Variants in FAM83F observed in about 807,000 individuals in gnomAD.
The protein encoded by FAM83F is scaffolding CK1 anchoring protein F, also known as protein FAM83F.
A neutral mutation model predicts 42.9 loss-of-function variants in FAM83F; 45 were observed. That is an observed-to-expected ratio of 1.05 (90% CI 0.83 to 1.35). FAM83F has a LOEUF of 1.35. FAM83F is among the 40% of genes most tolerant of loss of function. The pLI is 0.00. For synonymous variants in FAM83F, 306 were observed against 298.3 expected, an observed-to-expected ratio of 1.03 and a Z score of -0.27; for missense variants, 617 against 695.9, an observed-to-expected ratio of 0.89 and a Z score of 1.28.
rs961863641 is a variant in FAM83F at position 40,042,093 on chromosome 22, C to G, written c.*12528C>G. The stretch of plus-strand genomic sequence containing the variant: ...CTCTAGCTAGTCTCAAGCTCCTGGC[C>G]TCAAGCAATCCTTCCGCCTTGGCCT... On this transcript the variant is annotated 3_prime_UTR_variant, in exon 5 of 5. Transcript: ENST00000333407. 1 of 152,172 alleles carries G rather than the reference C, an allele frequency of 6.6e-6. No homozygotes were observed. The highest frequency in any genetic ancestry group is 2.4e-5 in the African/African-American group (1 of 41,436). 9.4% of individuals were successfully genotyped at this position (152,172 alleles called of 1,614,324 possible).
At chr22:39,999,439 C>T (rs992802750) in intron 1 of FAM83F, among the ~76,000 whole-genome samples, 5 of 152,188 alleles carry the variant, frequency 3.3e-5, no homozygotes, top group Admixed American at 2.0e-4. Flanking sequence ...TGACCCTTGA[C>T]CCCCGCATTC....
At position 40,023,853 on chromosome 22, in the gene FAM83F, C is replaced by T. The variant is rs1312647815; in HGVS notation, c.1453+1890C>T. Among the ~76,000 whole-genome samples, 3 of 152,178 alleles carry T rather than the reference C, an allele frequency of 2.0e-5. No individual in the cohort carries two copies. Among genetic ancestry groups the T allele is most frequent in the African/African-American group, 4.8e-5 (2 of 41,448 alleles). On this transcript the variant is annotated intron_variant, in intron 4 of 4. Coordinates refer to ENST00000333407, the MANE Select transcript of FAM83F (RefSeq NM_138435.4). The surrounding 1 kb of genome is among the most constrained non-coding windows in gnomAD (Gnocchi z 4.1). ...CCGGGGATGCCCGGAACCATCATCC[C>T]GTTCCTTGTCCGTCCTTTAGACGAA...
At position 40,021,612 on chromosome 22, in the gene FAM83F, G is replaced by A. The variant is rs746620839; in HGVS notation, c.1102G>A (p.Ala368Thr). 11 of 1,585,118 alleles carry A rather than the reference G, an allele frequency of 6.9e-6. No individual in the cohort carries two copies. The highest frequency in any genetic ancestry group is 1.7e-4 in the Middle Eastern group (1 of 5,926). ...QEEGASGGESAWRLESFLKDL... is the reference protein window; with the variant it reads ...QEEGASGGESTWRLESFLKDL... ...GGAGGGCGCCAGCGGTGGCGAGTCGGCCTGGCGCCTGGAGAGCTTCCTGAA... is the reference window on the plus strand; with the variant it reads ...GGAGGGCGCCAGCGGTGGCGAGTCGACCTGGCGCCTGGAGAGCTTCCTGAA... Residue 368 changes from alanine (A) to threonine (T), a missense_variant, in exon 4 of 5, where the codon GCC (alanine) becomes ACC (threonine). Ala to Thr is a moderately conservative substitution (Grantham distance 58). Coordinates refer to ENST00000333407, the MANE Select transcript of FAM83F (RefSeq NM_138435.4). The surrounding 1 kb of genome is among the most constrained non-coding windows in gnomAD (Gnocchi z 8.7).
In FAM83F at chr22:40,041,125, C is replaced by A. The variant is rs2146253982; in HGVS notation, c.*11560C>A. The stretch of plus-strand genomic sequence containing the variant: ...CACTTTTGGTAGCCAGCCAAGGCAG[C>A]TATCACTCATGAAATCTGCCTTCCC... On this transcript the variant is annotated 3_prime_UTR_variant, in exon 5 of 5. Coordinates refer to ENST00000333407, the MANE Select transcript of FAM83F (RefSeq NM_138435.4). 1 of 152,324 alleles carries A rather than the reference C, an allele frequency of 6.6e-6. No individual in the cohort carries two copies. Among genetic ancestry groups the A allele is most frequent in the East Asian group, 1.9e-4 (1 of 5,180 alleles). The allele number at this position is 152,324 out of a possible 1,614,324, so 9.4% of individuals were successfully genotyped here. A position where few individuals can be genotyped will look rare whatever the true frequency, so the allele number is the denominator to read the frequency against.
At chr22:40,024,247 T>C (rs1569235767) in intron 4 of FAM83F, among the ~76,000 whole-genome samples, 1 of 152,158 alleles carries the variant, frequency 6.6e-6, no homozygotes, top group Non-Finnish European at 1.5e-5. Flanking sequence ...CTCCTACCTC[T>C]GGGCCTCCCA....
In FAM83F at chr22:40,029,583, G is replaced by T; in HGVS notation, c.*18G>T. The T allele has an allele frequency of 6.2e-7, 1 of 1,609,186 alleles. No individual in the cohort carries two copies. Among genetic ancestry groups the T allele is most frequent in the South Asian group, 1.1e-5 (1 of 89,818 alleles). On this transcript the variant is annotated 3_prime_UTR_variant, in exon 5 of 5. Transcript: ENST00000333407. ...TTTCCTGAGCTGCGGGATGGTGGTG[G>T]GCAGGACGTGTGGATGCCTGCCTGC...
At chr22:40,002,879 C>T (rs2067409384) in intron 1 of FAM83F, among the ~76,000 whole-genome samples, 1 of 152,134 alleles carries the variant, frequency 6.6e-6, no homozygotes, top group African/African-American at 2.4e-5. Flanking sequence ...TTCGTTAATC[C>T]AACCCTCAGC....
chr22:40,002,883 C>A (rs184796616), intron 1 of FAM83F, among the ~76,000 whole-genome samples: 10 of 152,272 alleles, frequency 6.6e-5, no homozygotes, highest in African/African-American at 2.4e-4. Context: ...TTAATCCAAC[C>A]CTCAGCACCT....
chr22:40,012,721 G>C (rs932931490), intron 1 of FAM83F, among the ~76,000 whole-genome samples: 2 of 151,562 alleles, frequency 1.3e-5, no homozygotes, highest in African/African-American at 4.9e-5. Flanking sequence ...AGTGAGCTGA[G>C]ATCGCGCCAC....
intron 1 of FAM83F, chr22:40,009,962 A>T (rs2067454292): frequency 6.6e-6 from 1 of 152,264 alleles, no homozygotes; most frequent in Admixed American, 6.5e-5. Flanking sequence ...CCTGCCGCCC[A>T]GGCAGGATGT....
Position 40,019,197 on chromosome 22 carries a change from T to C in FAM83F, c.519T>C (p.Thr173=), listed in dbSNP as rs1444803926. The change falls in exon 2 of 5, where the codon ACT becomes ACC. Residue 173 remains threonine, a synonymous_variant. Transcript: ENST00000333407. ...TTGCTGTGGTCATGGACCTCTTCAC[T>C]GATGGTGATATCTTTCAAGACATTG... ...KVIAVVMDLF[T]DGDIFQDIVD... 2 of 1,614,172 alleles carry C rather than the reference T, an allele frequency of 1.2e-6. No homozygotes were observed. The highest frequency in any genetic ancestry group is 1.1e-5 in the South Asian group (1 of 91,084).
In FAM83F at chr22:39,994,973, C is replaced by T. The variant is rs1299619584; in HGVS notation, c.-70C>T. Reference sequence around the variant, plus strand: ...TGAGGCGCCCCGCCCCTCGGCGGCTCCAGGTGCGGCTGTGGGACCTCGGAC... The same window carrying T: ...TGAGGCGCCCCGCCCCTCGGCGGCTTCAGGTGCGGCTGTGGGACCTCGGAC... On this transcript the variant is annotated 5_prime_UTR_variant, in exon 1 of 5. Coordinates refer to ENST00000333407, the MANE Select transcript of FAM83F (RefSeq NM_138435.4). 6.5e-5 allele frequency: 79 copies of T among 1,206,220 alleles called. No homozygotes were observed. In the East Asian group the frequency reaches 2.4e-3, roughly 36 times the overall value. The allele number at this position is 1,206,220 out of a possible 1,614,324, so 74.7% of individuals were successfully genotyped here.
chr22:40,016,964 G>C (rs550578434), intron 1 of FAM83F, among the ~76,000 whole-genome samples: 1 of 152,194 alleles, frequency 6.6e-6, no homozygotes, highest in African/African-American at 2.4e-5. Flanking sequence ...GTATCTGGCT[G>C]CTGTTACATT....
Position 40,019,930 on chromosome 22 carries a change from C to T in FAM83F, c.701C>T (p.Pro234Leu). Reference sequence around the variant, plus strand: ...GTGACAGGCGTCGGCTTCTACATGCCCATGGGGAGGATCAAGGGGACCCTG... The same window carrying T: ...GTGACAGGCGTCGGCTTCTACATGCTCATGGGGAGGATCAAGGGGACCCTG... Reference protein sequence around the residue: ...RSVTGVGFYMPMGRIKGTLSS... With the variant: ...RSVTGVGFYMLMGRIKGTLSS... The change falls in exon 3 of 5, where the codon CCC becomes CTC. Residue 234 changes from proline to leucine, a missense_variant. Pro to Leu is a moderately conservative substitution (Grantham distance 98). Transcript: ENST00000333407. The T allele has an allele frequency of 1.9e-6, 3 of 1,613,536 alleles. No homozygotes were observed. The highest frequency in any genetic ancestry group is 2.5e-6 in the Non-Finnish European group (3 of 1,179,702).
Position 39,995,518 on chromosome 22 carries a change from A to T in FAM83F, c.476A>T (p.Gln159Leu), listed in dbSNP as rs2067370024. 6.4e-7 allele frequency: 1 copy of T among 1,569,884 alleles called. No homozygotes were observed. The change falls in exon 1 of 5, where the codon CAA becomes CTA. Residue 159 changes from glutamine to leucine, a missense_variant. Physicochemically the swap from Gln to Leu is moderately radical, Grantham distance 113. Coordinates refer to ENST00000333407, the MANE Select transcript of FAM83F (RefSeq NM_138435.4). The surrounding 1 kb of genome is among the most constrained non-coding windows in gnomAD (Gnocchi z 4.6). ...AAGCAGGTGGTCAGGCAGATGATCC[A>T]ACAGGCCCAGAAGGTAGGCCCCCGC... ...HLKQVVRQMI[Q>L]QAQKVIAVVM... is the part of the protein sequence containing the mutation.
chr22:40,000,586 A>T (rs2067395386), intron 1 of FAM83F, among the ~76,000 whole-genome samples: 1 of 151,740 alleles, frequency 6.6e-6, no homozygotes, highest in Non-Finnish European at 1.5e-5. Flanking sequence ...GGACATTGAG[A>T]TGCTGCAATG....
intron 1 of FAM83F, among the ~76,000 whole-genome samples, chr22:40,012,616 A>G (rs190922236): frequency 1.7e-4 from 26 of 151,634 alleles, no homozygotes; most frequent in Admixed American, 1.5e-3. Flanking sequence ...CTAAAAATAC[A>G]AAAATTAGCT....
At chr22:40,010,507 G>GCTGGCTC (rs1455656635) in intron 1 of FAM83F, among the ~76,000 whole-genome samples, 1 of 152,194 alleles carries the variant, frequency 6.6e-6, no homozygotes, top group African/African-American at 2.4e-5. Flanking sequence ...CTCGCATCAG[G>GCTGGCTC]GCGTCACAGT....
rs117243054 is a variant in FAM83F at position 40,006,403 on chromosome 22, A to G, written c.489+10872A>G. Among the ~76,000 whole-genome samples, 319 of 152,264 alleles carry G rather than the reference A, an allele frequency of 2.1e-3. 5 individuals carry two copies. In the East Asian group the frequency reaches 0.052, roughly 25 times the overall value. On this transcript the variant is annotated intron_variant, in intron 1 of 4. Coordinates refer to ENST00000333407, the MANE Select transcript of FAM83F (RefSeq NM_138435.4). ...GGGCTCTGTCCCCCACCCCTCCTGG[A>G]TAGATGGGGAGACACCCTCATGTGC...
Sources: gnomAD v4.1 joint callset for allele counts (sites outside exome capture counted in the v4.1 genomes callset) on GRCh38, gnomAD v4.1.1 for gene constraint, Gnocchi (gnomAD v3.1) non-coding constraint, MANE v1.5 for transcripts, NCBI Gene and HGNC (gene_info 2026-07-23, HGNC 2026-07-21) for gene names.